The following TNS1 variants were observed in gnomAD, a reference collection of about 807,000 sequenced individuals.
TNS1 encodes tensin 1.
Under a neutral mutation model 168.6 loss-of-function variants are expected in TNS1, and 62 were observed. The observed-to-expected ratio is 0.37, with a 90% CI of 0.30 to 0.45. The LOEUF is 0.45. Ranked by LOEUF, TNS1 falls within the 20% of genes least tolerant of loss-of-function variation. TNS1 has a pLI of 1.00. For missense variants in TNS1, 2,240 were observed against 2,339.4 expected (o/e 0.96, Z 0.88); for synonymous variants, 934 against 933.2 (o/e 1.00, Z -0.02).
intron 8 of TNS1, among the ~76,000 whole-genome samples, chr2:217,897,277 C>A (rs945066968): frequency 6.6e-6 from 1 of 152,198 alleles, no homozygotes; most frequent in Non-Finnish European, 1.5e-5. Context: ...TGGGCCAGGC[C>A]GAGCCAGGTG....
intron 3 of TNS1, among the ~76,000 whole-genome samples, chr2:217,974,790 T>C (rs1438935479): frequency 6.6e-6 from 1 of 152,166 alleles, no homozygotes; most frequent in East Asian, 1.9e-4. Flanking sequence ...CAAGTATGTC[T>C]GATTCCCGTA....
At chr2:217,811,674 A>G (rs541316916) in intron 28 of TNS1, among the ~76,000 whole-genome samples, 10 of 152,124 alleles carry the variant, frequency 6.6e-5, no homozygotes. Flanking sequence ...TGGGCAGTAG[A>G]GGCCTATGCT....
chr2:217,831,487 T>C lies in TNS1; in HGVS notation c.3341A>G (p.Asn1114Ser). 4 of 1,587,958 alleles carry C rather than the reference T, an allele frequency of 2.5e-6. No homozygotes were observed. Among genetic ancestry groups the C allele is most frequent in the Non-Finnish European group, 3.4e-6 (4 of 1,168,244 alleles). Residue 1114 changes from asparagine (N) to serine (S), a missense_variant, in exon 22 of 33, where the codon AAC (asparagine) becomes AGC (serine). Coordinates refer to ENST00000682258, the MANE Select transcript of TNS1 (RefSeq NM_001387777.1). ...PLSALGLKPHNPADILLHPTG... is the reference protein window; with the variant it reads ...PLSALGLKPHSPADILLHPTG... The stretch of plus-strand genomic sequence containing the variant: ...GGGGTGCAACAGGATGTCCGCTGGG[T>C]TGTGAGGTTTCAGGCCCAGAGCAGA...
chr2:217,851,961 T>C (rs1947558059), intron 18 of TNS1, among the ~76,000 whole-genome samples: 2 of 151,966 alleles, frequency 1.3e-5, no homozygotes, highest in South Asian at 4.2e-4. Context: ...CTGGCCAAAA[T>C]GGTGAAACCC....
At chr2:218,010,006 G>C (rs1958691424) in intron 1 of TNS1, 1 of 364,938 alleles carries the variant, frequency 2.7e-6, no homozygotes, top group Admixed American at 4.8e-5. Flanking sequence ...TAGTAAGTCA[G>C]ATCGAATGCC....
intron 2 of TNS1, among the ~76,000 whole-genome samples, chr2:217,990,203 C>A (rs1958326477): frequency 6.6e-6 from 1 of 151,220 alleles, no homozygotes; most frequent in African/African-American, 2.4e-5. Context: ...CACACACCAT[C>A]CACACACCCT....
chr2:217,804,536 G>A lies in TNS1; in HGVS notation c.5443C>T (p.Leu1815Phe). The A allele has an allele frequency of 6.2e-7, 1 of 1,614,192 alleles. No individual in the cohort carries two copies. Among genetic ancestry groups the A allele is most frequent in the Non-Finnish European group, 8.5e-7 (1 of 1,180,018 alleles). Residue 1815 changes from leucine to phenylalanine, a missense_variant, in exon 33 of 33, where the codon CTT (leucine) becomes TTT (phenylalanine). By Grantham distance (22) the Leu-to-Phe change is conservative. This residue lies in a region of TNS1 where 109 missense variants were observed against 168.1 expected (regional missense o/e 0.65). Coordinates refer to ENST00000682258, the MANE Select transcript of TNS1 (RefSeq NM_001387777.1). Reference protein sequence around the residue: ...TDNACHLFAELDPNQPASAIV... With the variant: ...TDNACHLFAEFDPNQPASAIV... ...GCAGAGGCCGGCTGGTTGGGGTCAA[G>A]CTCAGCAAAGAGGTGGCAGGCGTTG...
intron 1 of TNS1, among the ~76,000 whole-genome samples, chr2:218,018,136 C>A (rs1958778010): frequency 6.6e-6 from 1 of 152,176 alleles, no homozygotes; most frequent in Admixed American, 6.5e-5. Context: ...GGAAGCACAG[C>A]AACAATTTCC....
At chr2:218,014,926 AGGC>A (rs1958744380), upstream of TNS1, among the ~76,000 whole-genome samples, 70 of 138,178 alleles carry the variant, frequency 5.1e-4, no homozygotes, top group East Asian at 4.2e-3. Context: ...GAAGGAAGGC[AGGC>A]AGGCAGGCAG....
At chr2:217,953,429 C>T (rs1407870097) in intron 3 of TNS1, among the ~76,000 whole-genome samples, 3 of 152,134 alleles carry the variant, frequency 2.0e-5, no homozygotes, top group African/African-American at 7.2e-5. Flanking sequence ...AGCCAATCGG[C>T]CATTAACTGC....
upstream of TNS1, among the ~76,000 whole-genome samples, chr2:218,004,387 A>G (rs1958633846): frequency 6.6e-6 from 1 of 152,084 alleles, no homozygotes; most frequent in Admixed American, 6.5e-5. Flanking sequence ...CACTCACCCA[A>G]GGCCATGCCA....
intron 12 of TNS1, among the ~76,000 whole-genome samples, chr2:217,889,101 T>C (rs890703302): frequency 2.8e-4 from 42 of 152,232 alleles, no homozygotes; most frequent in African/African-American, 9.6e-4. Flanking sequence ...GCTTGACCAA[T>C]CATTCTTTCT....
At chr2:217,893,671 C>G (rs1452677531) in intron 9 of TNS1, 110 bp from the exon 10 acceptor site, 15 of 1,449,312 alleles carry the variant, frequency 1.0e-5, no homozygotes, top group Non-Finnish European at 1.3e-5. Flanking sequence ...CCCGCAGCTG[C>G]TGGTTCCTGC....
intron 1 of TNS1, among the ~76,000 whole-genome samples, chr2:218,027,266 C>G (rs767916630): frequency 2.4e-4 from 36 of 151,900 alleles, no homozygotes; most frequent in Admixed American, 2.0e-3. Context: ...TTCAGGGACT[C>G]CACGGCCTAC....
intron 1 of TNS1, among the ~76,000 whole-genome samples, chr2:218,023,405 A>T (rs2106011104): frequency 6.6e-6 from 1 of 151,984 alleles, no homozygotes; most frequent in Non-Finnish European, 1.5e-5. Flanking sequence ...ATCATGTAAG[A>T]CTCTTTAATT....
In TNS1 at chr2:217,847,670, C is replaced by T. The variant is rs965603716; in HGVS notation, c.2847G>A (p.Pro949=). 1.1e-5 allele frequency: 17 copies of T among 1,596,466 alleles called. No individual in the cohort carries two copies. Among genetic ancestry groups the T allele is most frequent in the African/African-American group, 1.3e-5 (1 of 74,660 alleles). The part of the protein sequence containing the change: ...PASSSLPAFL[P]TTHSPPGPQQ... Reference sequence around the variant, plus strand: ...GAGGCCCTGGAGGGCTGTGGGTGGTCGGAAGGAAGGCAGGCAAGGAGGAAG... The same window carrying T: ...GAGGCCCTGGAGGGCTGTGGGTGGTTGGAAGGAAGGCAGGCAAGGAGGAAG... The change falls in exon 19 of 33, where the codon CCG becomes CCA. Residue 949 remains proline, a synonymous_variant. Coordinates refer to ENST00000682258, the MANE Select transcript of TNS1 (RefSeq NM_001387777.1).
chr2:217,908,861 C>T (rs1476796245), intron 4 of TNS1, among the ~76,000 whole-genome samples: 3 of 152,162 alleles, frequency 2.0e-5, no homozygotes, highest in Non-Finnish European at 4.4e-5. Context: ...ACTATCCTCC[C>T]TGCTGCTAGG....
At chr2:217,838,489 A>T (rs753997595) in intron 19 of TNS1, among the ~76,000 whole-genome samples, 1 of 152,238 alleles carries the variant, frequency 6.6e-6, no homozygotes, top group Non-Finnish European at 1.5e-5. Context: ...GCATGTTCTG[A>T]CCAGAGGCAG....
Position 217,880,517 on chromosome 2 carries a change from G to A in TNS1, c.1429+381C>T, listed in dbSNP as rs559845234. Among the ~76,000 whole-genome samples the A allele has an allele frequency of 5.5e-4, 83 of 152,130 alleles. No homozygotes were observed. Among genetic ancestry groups the A allele is most frequent in the African/African-American group, 1.8e-3 (73 of 41,496 alleles). On this transcript the variant is annotated intron_variant, in intron 18 of 32. Transcript: ENST00000682258. The surrounding 1 kb of genome is among the most constrained non-coding windows in gnomAD (Gnocchi z 4.2). ...ACAAATGCTGTTTTTGCAGCACAGT[G>A]GGGGGTATCTCAAGCTCCACTCAAG...
Sources: allele counts gnomAD v4.1 joint callset (sites outside exome capture counted in the v4.1 genomes callset), GRCh38; gene constraint gnomAD v4.1.1; regional missense constraint gnomAD v4.1.1; non-coding constraint Gnocchi (gnomAD v3.1); transcripts MANE v1.5; gene names NCBI Gene and HGNC (gene_info 2026-07-23, HGNC 2026-07-21).